Variants in SH3GL2 observed in about 807,000 individuals in gnomAD.
SH3GL2 encodes the protein SH3 domain containing GRB2 like 2, endophilin A1.
SH3GL2 carries 24 observed loss-of-function variants against 46.0 expected under a neutral mutation model. The ratio of observed to expected loss-of-function variants is 0.52; its 90% CI spans 0.38 to 0.73. The LOEUF (loss-of-function observed/expected upper bound fraction) is 0.73, where lower values mean the gene tolerates loss of function less well. Among genes scored for constraint, SH3GL2 ranks in the 30% least tolerant of loss-of-function variants. The probability of loss-of-function intolerance (pLI) is 0.00; values close to 1 mark genes in which losing one functional copy is unlikely to be tolerated. For missense variants in SH3GL2, 413 were observed against 424.2 expected (o/e 0.97, Z 0.23); for synonymous variants, 196 against 147.1 (o/e 1.33, Z -2.40).
chr9:17,699,449 C>A (rs530374414), intron 1 of SH3GL2, among the ~76,000 whole-genome samples: 6 of 152,246 alleles, frequency 3.9e-5, no homozygotes, highest in South Asian at 4.1e-4. Context: ...CTCTCCTGTG[C>A]CTAGTTTGTC....
intron 1 of SH3GL2, among the ~76,000 whole-genome samples, chr9:17,588,399 A>T (rs558639193): frequency 1.8e-4 from 27 of 152,338 alleles, no homozygotes; most frequent in African/African-American, 6.0e-4. Flanking sequence ...AAGGGAGATT[A>T]TATGATTGGA....
intron 1 of SH3GL2, among the ~76,000 whole-genome samples, chr9:17,740,536 T>C (rs550423450): frequency 6.6e-6 from 1 of 151,962 alleles, no homozygotes; most frequent in Non-Finnish European, 1.5e-5. Flanking sequence ...CAAAGAACTT[T>C]TGCACAGAGT....
At chr9:17,693,595 G>T (rs538593044) in intron 1 of SH3GL2, among the ~76,000 whole-genome samples, 1 of 152,204 alleles carries the variant, frequency 6.6e-6, no homozygotes, top group East Asian at 1.9e-4. Context: ...TAAAAAGAAA[G>T]GCTGCCTTTA....
intron 6 of SH3GL2, among the ~76,000 whole-genome samples, chr9:17,790,759 C>G (rs929918644): frequency 5.9e-5 from 9 of 152,140 alleles, no homozygotes; most frequent in African/African-American, 1.7e-4. Context: ...GCTCAGAGAG[C>G]ACAGAAGATT....
intron 1 of SH3GL2, among the ~76,000 whole-genome samples, chr9:17,660,474 G>C (rs1055722360): frequency 3.3e-5 from 5 of 152,168 alleles, no homozygotes; most frequent in Non-Finnish European, 7.3e-5. Context: ...TGAATGTTTT[G>C]GTTGAAAAGT....
At chr9:17,730,715 C>G (rs986107645) in intron 1 of SH3GL2, among the ~76,000 whole-genome samples, 2 of 151,778 alleles carry the variant, frequency 1.3e-5, no homozygotes, top group African/African-American at 4.8e-5. Flanking sequence ...ATTGAAGATA[C>G]TCTCCTAAAT....
At chr9:17,633,998 G>C (rs1181763114) in intron 1 of SH3GL2, among the ~76,000 whole-genome samples, 1 of 152,214 alleles carries the variant, frequency 6.6e-6, no homozygotes, top group East Asian at 1.9e-4. Flanking sequence ...GCTCATGAAA[G>C]CCTTGAGCTT....
At chr9:17,619,093 A>G (rs1404738726) in intron 1 of SH3GL2, among the ~76,000 whole-genome samples, 1 of 152,192 alleles carries the variant, frequency 6.6e-6, no homozygotes, top group African/African-American at 2.4e-5. Context: ...ATGTGCAGTA[A>G]CTAATTTAAT....
rs150337711 is a variant in SH3GL2 at position 17,737,506 on chromosome 9, C to T, written c.46-9560C>T. ...ATTGTATTAACCTACATCACATATA[C>T]GCAGTTTGCACTGCTGGAAGCTATC... On this transcript the variant is annotated intron_variant, in intron 1 of 8. Transcript: ENST00000380607. Among the ~76,000 whole-genome samples the T allele has an allele frequency of 3.4e-4, 52 of 152,144 alleles. 1 individual carries two copies. In the South Asian group the frequency reaches 5.2e-3, roughly 15 times the overall value.
At chr9:17,788,019 C>T (rs374496968) in intron 5 of SH3GL2, among the ~76,000 whole-genome samples, 5 of 152,156 alleles carry the variant, frequency 3.3e-5, no homozygotes, top group Admixed American at 1.3e-4. Flanking sequence ...AGAATACCAA[C>T]TAGCCACTTT....
intron 1 of SH3GL2, among the ~76,000 whole-genome samples, chr9:17,731,145 C>T (rs1822168087): frequency 6.6e-6 from 1 of 152,054 alleles, no homozygotes; most frequent in African/African-American, 2.4e-5. Context: ...TTGGTTATGC[C>T]AAGCTGTTAT....
chr9:17,624,435 T>C (rs1338244528), intron 1 of SH3GL2, among the ~76,000 whole-genome samples: 1 of 152,230 alleles, frequency 6.6e-6, no homozygotes, highest in African/African-American at 2.4e-5. Flanking sequence ...CAGTGATAGG[T>C]GCGCAAACAT....
intron 1 of SH3GL2, among the ~76,000 whole-genome samples, chr9:17,618,503 C>T (rs139227267): frequency 3.9e-5 from 6 of 152,208 alleles, no homozygotes; most frequent in East Asian, 1.9e-4. Context: ...ATTTAAAAAA[C>T]GCTGGAAAAT....
At chr9:17,777,853 A>G (rs1823686194) in intron 3 of SH3GL2, among the ~76,000 whole-genome samples, 1 of 152,046 alleles carries the variant, frequency 6.6e-6, no homozygotes, top group Non-Finnish European at 1.5e-5. Context: ...TTTGGGGAGG[A>G]CAAATAGCAG....
intron 3 of SH3GL2, among the ~76,000 whole-genome samples, chr9:17,775,240 A>T (rs556187010): frequency 1.3e-5 from 2 of 152,214 alleles, no homozygotes; most frequent in African/African-American, 4.8e-5. Context: ...ACAAACTTTT[A>T]ATTTTTTCCA....
intron 6 of SH3GL2, among the ~76,000 whole-genome samples, chr9:17,790,804 A>G (rs1303948970): frequency 6.6e-6 from 1 of 152,198 alleles, no homozygotes; most frequent in African/African-American, 2.4e-5. Context: ...CGGGTACATT[A>G]TGTGAGATAT....
At chr9:17,701,291 A>G (rs971482652) in intron 1 of SH3GL2, among the ~76,000 whole-genome samples, 1 of 152,150 alleles carries the variant, frequency 6.6e-6, no homozygotes, top group Non-Finnish European at 1.5e-5. Context: ...CAAAACAAAA[A>G]TGTTTTCATT....
chr9:17,653,765 A>G, intron 1 of SH3GL2: 1 of 315,810 alleles, frequency 3.2e-6, no homozygotes, highest in Non-Finnish European at 4.6e-6. Flanking sequence ...GGAAGCCTGA[A>G]GGGTGAAAGC....
Position 17,795,594 on chromosome 9 carries a change from G to C in SH3GL2, c.910G>C (p.Glu304Gln), listed in dbSNP as rs1198361878. 6.2e-7 allele frequency: 1 copy of C among 1,613,924 alleles called. No homozygotes were observed. Among genetic ancestry groups the C allele is most frequent in the Non-Finnish European group, 8.5e-7 (1 of 1,179,946 alleles). ...CCGAGCTCTGTACGACTTTGAACCT[G>C]AAAATGAAGGGGAGTTGGGATTTAA... Reference protein sequence around the residue: ...CCRALYDFEPENEGELGFKEG... With the variant: ...CCRALYDFEPQNEGELGFKEG... The change falls in exon 9 of 9, where the codon GAA (glutamate) becomes CAA (glutamine). Residue 304 changes from glutamate (E) to glutamine (Q), a missense_variant. Coordinates refer to ENST00000380607, the MANE Select transcript of SH3GL2 (RefSeq NM_003026.5).
Sources: allele counts gnomAD v4.1 joint callset (sites outside exome capture counted in the v4.1 genomes callset), GRCh38; gene constraint gnomAD v4.1.1; transcripts MANE v1.5; gene names NCBI Gene and HGNC (gene_info 2026-07-23, HGNC 2026-07-21).